Variants in MID1 observed in about 807,000 individuals in gnomAD.
MID1 encodes the protein E3 ubiquitin-protein ligase Midline-1.
A neutral mutation model predicts 40.4 loss-of-function variants in MID1; 7 were observed. That is an observed-to-expected ratio of 0.17 (90% CI 0.10 to 0.33). The LOEUF is 0.33. Among genes scored for constraint, MID1 ranks in the 10% least tolerant of loss-of-function variants. The probability of loss-of-function intolerance (pLI) is 1.00; values close to 1 mark genes in which losing one functional copy is unlikely to be tolerated. For synonymous variants in MID1, 229 were observed against 221.2 expected (o/e 1.04, Z -0.31); for missense variants, 367 against 558.5 (o/e 0.66, Z 3.46).
intron 1 of MID1, among the ~76,000 whole-genome samples, chrX:10,725,340 TC>T (rs2043382562): frequency 9.0e-6 from 1 of 111,504 alleles, no homozygotes; most frequent in African/African-American, 3.3e-5. Context: ...CTTAAAAGAT[TC>T]GGTTTTGATG....
chrX:10,639,358 G>A (rs776587478), intron 1 of MID1, among the ~76,000 whole-genome samples: 3 of 111,838 alleles, frequency 2.7e-5, no homozygotes, highest in East Asian at 2.8e-4. Context: ...TGAGAACTAC[G>A]TGATGCACGC....
intron 1 of MID1, among the ~76,000 whole-genome samples, chrX:10,650,319 A>G (rs1030273626): frequency 6.3e-5 from 7 of 110,796 alleles, no homozygotes; most frequent in Admixed American, 2.9e-4. Context: ...TAAGGATTGG[A>G]CAGACCCACC....
intron 1 of MID1, among the ~76,000 whole-genome samples, chrX:10,658,374 T>C (rs916823035): frequency 7.5e-5 from 7 of 92,993 alleles, no homozygotes; most frequent in Non-Finnish European, 1.2e-4. Flanking sequence ...ATTTCCCCAT[T>C]GTTGAGCAGC....
chrX:10,765,942 GGAAAGAAAGAAAGAAAGAAAGAAA>G (rs201959862), intron 1 of MID1, among the ~76,000 whole-genome samples: 153 of 65,413 alleles, frequency 2.3e-3, no homozygotes, highest in East Asian at 0.017. Context: ...GGAAAGGAAA[GGAAAGAAAGAAAGAAAGAAAGAAA>G]GAAAGAAAGA....
At chrX:10,720,525 G>A (rs1334473068) in intron 1 of MID1, among the ~76,000 whole-genome samples, 6 of 111,721 alleles carry the variant, frequency 5.4e-5, no homozygotes, top group African/African-American at 2.0e-4. Flanking sequence ...TTAGAATGGC[G>A]ATCATTCAAA....
intron 1 of MID1, among the ~76,000 whole-genome samples, chrX:10,788,868 C>A (rs1467622251): frequency 1.8e-5 from 2 of 112,364 alleles, no homozygotes; most frequent in South Asian, 7.3e-4. Flanking sequence ...TGGCGGCTTA[C>A]GCCTGTAATC....
chrX:10,512,591 C>T (rs767326408), intron 3 of MID1, among the ~76,000 whole-genome samples: 10 of 112,012 alleles, frequency 8.9e-5, no homozygotes, highest in Non-Finnish European at 1.3e-4. Context: ...CTTTACACTA[C>T]AGTCTATGTG....
At chrX:10,629,384 A>G (rs1026790947) in intron 1 of MID1, among the ~76,000 whole-genome samples, 5 of 109,517 alleles carry the variant, frequency 4.6e-5, no homozygotes, top group East Asian at 5.7e-4. Context: ...CTTTTTTAGT[A>G]GAAACAGGGT....
intron 4 of MID1, among the ~76,000 whole-genome samples, chrX:10,485,604 C>T (rs1212311891): frequency 1.8e-5 from 2 of 112,112 alleles, no homozygotes; most frequent in African/African-American, 6.5e-5. Context: ...TTAGCAGGGA[C>T]ACAGGGCTGT....
chrX:10,537,931 C>T (rs6640663), intron 2 of MID1, among the ~76,000 whole-genome samples: 3 of 111,707 alleles, frequency 2.7e-5, no homozygotes, highest in African/African-American at 9.7e-5. Flanking sequence ...AATGCATCAT[C>T]TGTTCCTTTG....
At chrX:10,530,254 A>G (rs905054153) in intron 2 of MID1, among the ~76,000 whole-genome samples, 20 of 112,290 alleles carry the variant, frequency 1.8e-4, no homozygotes, top group African/African-American at 5.8e-4. Flanking sequence ...CCCAGCCTTA[A>G]TTCATTACCT....
chrX:10,704,317 G>A (rs1411812613), intron 1 of MID1, among the ~76,000 whole-genome samples: 3 of 111,372 alleles, frequency 2.7e-5, no homozygotes, highest in Non-Finnish European at 5.6e-5. Flanking sequence ...GTCATTAGCA[G>A]GTCAACGTTT....
chrX:10,765,943 GA>G (rs1569165205), intron 1 of MID1, among the ~76,000 whole-genome samples: 265 of 7,308 alleles, frequency 0.036, 1 homozygote, highest in Non-Finnish European at 0.081. Context: ...GAAAGGAAAG[GA>G]AAGAAAGAAA....
intron 1 of MID1, among the ~76,000 whole-genome samples, chrX:10,755,916 A>G (rs904677363): frequency 3.6e-5 from 4 of 112,170 alleles, no homozygotes; most frequent in African/African-American, 1.3e-4. Flanking sequence ...TTCTGTTGCT[A>G]AATGCTTTCC....
intron 2 of MID1, among the ~76,000 whole-genome samples, chrX:10,543,012 C>T (rs1031191204): frequency 8.9e-6 from 1 of 112,286 alleles, no homozygotes; most frequent in African/African-American, 3.2e-5. Context: ...ACAAGGGCTA[C>T]ATACACTGAA....
intron 1 of MID1, among the ~76,000 whole-genome samples, chrX:10,806,506 T>C (rs778738795): frequency 8.9e-6 from 1 of 112,226 alleles, no homozygotes; most frequent in East Asian, 2.8e-4. Context: ...TTTCAGTTTG[T>C]TCTGCCTTTT....
chrX:10,660,948 G>C (rs1396393984), intron 1 of MID1, among the ~76,000 whole-genome samples: 1 of 111,597 alleles, frequency 9.0e-6, no homozygotes, highest in Non-Finnish European at 1.9e-5. Flanking sequence ...TTGAAGTGGA[G>C]CTTATTAGTA....
chrX:10,739,036 T>C (rs1237004112), intron 1 of MID1, among the ~76,000 whole-genome samples: 2 of 111,535 alleles, frequency 1.8e-5, no homozygotes, highest in Admixed American at 1.9e-4. Context: ...TTATTTTGCT[T>C]TCATACTAGC....
Position 10,758,323 on chromosome X carries a change from C to T in MID1, c.-187+75231G>A, listed in dbSNP as rs1437698772. Among the ~76,000 whole-genome samples the T allele has an allele frequency of 1.5e-4, 16 of 108,628 alleles. 1 individual carries two copies. In the Admixed American group the frequency reaches 1.6e-3, roughly 11 times the overall value. The allele number at this position is 108,628 out of a possible 115,157, so 94.3% of individuals were successfully genotyped here. ...ATTAAAACTAGTTTGTCTATCAAGA[C>T]AGATAGAAAGTGTCCTTGTTCTAAA... On this transcript the variant is annotated intron_variant, in intron 1 of 10. Coordinates refer to the MID1 transcript ENST00000380785.
Sources: gnomAD v4.1 joint callset for allele counts (sites outside exome capture counted in the v4.1 genomes callset) on GRCh38, gnomAD v4.1.1 for gene constraint, MANE v1.5 for transcripts, NCBI Gene and HGNC (gene_info 2026-07-23, HGNC 2026-07-21) for gene names.